The following CNTN4 variants were observed in gnomAD, a reference collection of about 807,000 sequenced individuals.
The protein encoded by CNTN4 is contactin-4.
Under a neutral mutation model 122.5 loss-of-function variants are expected in CNTN4, and 77 were observed. That is an observed-to-expected ratio of 0.63 (90% CI 0.52 to 0.76). The LOEUF is 0.76. Ranked by LOEUF, CNTN4 falls within the 30% of genes least tolerant of loss-of-function variation. The probability of loss-of-function intolerance (pLI) is 0.00; values close to 1 mark genes in which losing one functional copy is unlikely to be tolerated. For missense variants in CNTN4, 1,256 were observed against 1,259.1 expected, an observed-to-expected ratio of 1.00 and a Z score of 0.04; for synonymous variants, 512 against 447.0, an observed-to-expected ratio of 1.15 and a Z score of -1.83.
At chr3:2,377,376 G>A (rs1478293603) in intron 3 of CNTN4, among the ~76,000 whole-genome samples, 1 of 152,144 alleles carries the variant, frequency 6.6e-6, no homozygotes, top group East Asian at 1.9e-4. Flanking sequence ...GACTGGCCAT[G>A]CCTGCAATCC....
At chr3:2,928,985 CT>C (rs1218373075) in intron 13 of CNTN4, among the ~76,000 whole-genome samples, 3 of 152,274 alleles carry the variant, frequency 2.0e-5, no homozygotes, top group Non-Finnish European at 4.4e-5. Context: ...GCTTCCCATT[CT>C]TTTGGAAATA....
intron 2 of CNTN4, among the ~76,000 whole-genome samples, chr3:2,113,643 A>G (rs988628873): frequency 1.3e-5 from 2 of 152,128 alleles, no homozygotes; most frequent in Non-Finnish European, 2.9e-5. Flanking sequence ...GATGAAGGAT[A>G]GGTACAGTTG....
intron 6 of CNTN4, among the ~76,000 whole-genome samples, chr3:2,797,936 T>TTTTTG (rs1464455681): frequency 6.7e-6 from 1 of 150,216 alleles, no homozygotes; most frequent in African/African-American, 2.5e-5. Context: ...TTTTTTTTTT[T>TTTTTG]GGTATAAATT....
At chr3:2,600,963 A>G (rs1389819639) in intron 4 of CNTN4, among the ~76,000 whole-genome samples, 1 of 152,010 alleles carries the variant, frequency 6.6e-6, no homozygotes, top group East Asian at 1.9e-4. Context: ...GATGATGAGC[A>G]TTTTTTCATG....
chr3:2,259,539 C>G (rs1213871724), intron 2 of CNTN4, among the ~76,000 whole-genome samples: 1 of 152,152 alleles, frequency 6.6e-6, no homozygotes, highest in Non-Finnish European at 1.5e-5. Flanking sequence ...CACAGTTCCA[C>G]GTGTCTGGAG....
chr3:2,916,207 AT>A (rs2094352193), intron 12 of CNTN4, among the ~76,000 whole-genome samples: 1 of 151,726 alleles, frequency 6.6e-6, no homozygotes, highest in Non-Finnish European at 1.5e-5. Context: ...CTTTTTTTCA[AT>A]TTTTTTAGTA....
chr3:2,327,766 G>T (rs946146527), intron 2 of CNTN4, among the ~76,000 whole-genome samples: 1 of 152,132 alleles, frequency 6.6e-6, no homozygotes, highest in African/African-American at 2.4e-5. Flanking sequence ...GACTATATTT[G>T]GAACCTCCCC....
chr3:2,695,689 C>G (rs1559397000), intron 4 of CNTN4, among the ~76,000 whole-genome samples: 1 of 152,154 alleles, frequency 6.6e-6, no homozygotes, highest in African/African-American at 2.4e-5. Flanking sequence ...CAGGAGAAAA[C>G]AATCACTTTG....
chr3:2,741,639 A>G (rs546193496), intron 5 of CNTN4, among the ~76,000 whole-genome samples: 1 of 152,234 alleles, frequency 6.6e-6, no homozygotes, highest in South Asian at 2.1e-4. Context: ...TGTGTAGTAA[A>G]GAATGCAGGA....
At chr3:2,864,608 G>A (rs917519560) in intron 7 of CNTN4, among the ~76,000 whole-genome samples, 4 of 151,596 alleles carry the variant, frequency 2.6e-5, no homozygotes, top group East Asian at 1.9e-4. Flanking sequence ...GCGTCGTGGT[G>A]GGCACCTGTA....
intron 13 of CNTN4, among the ~76,000 whole-genome samples, chr3:2,947,541 TA>T (rs977769288): frequency 1.3e-5 from 2 of 152,250 alleles, no homozygotes; most frequent in African/African-American, 4.8e-5. Context: ...CTTTTTATTT[TA>T]CCATGAATGG....
At chr3:2,669,178 C>T (rs2150358648) in intron 4 of CNTN4, among the ~76,000 whole-genome samples, 1 of 152,304 alleles carries the variant, frequency 6.6e-6, no homozygotes, top group South Asian at 2.1e-4. Flanking sequence ...ACCAGCTCCT[C>T]CTTGTACCTC....
At chr3:2,248,842 T>C (rs1017855887) in intron 2 of CNTN4, among the ~76,000 whole-genome samples, 5 of 151,954 alleles carry the variant, frequency 3.3e-5, no homozygotes, top group African/African-American at 1.2e-4. Context: ...GTGGGCTTGG[T>C]GTAATGAAAT....
intron 2 of CNTN4, among the ~76,000 whole-genome samples, chr3:2,114,467 A>T (rs2033199052): frequency 6.6e-6 from 1 of 152,078 alleles, no homozygotes; most frequent in African/African-American, 2.4e-5. Context: ...CTCAAAAAAT[A>T]AATAAATAAA....
intron 12 of CNTN4, among the ~76,000 whole-genome samples, chr3:2,915,930 A>T (rs67020191): frequency 0.42 from 63,311 of 152,106 alleles, 13,509 homozygotes; most frequent in East Asian, 0.64. Context: ...GCCAGTCACA[A>T]AAAGCAAATA....
chr3:2,260,815 C>T (rs1047929937), intron 2 of CNTN4, among the ~76,000 whole-genome samples: 3 of 150,262 alleles, frequency 2.0e-5, no homozygotes, highest in Admixed American at 1.3e-4. Context: ...GTAACCTCTG[C>T]CTCCCAGTTC....
intron 3 of CNTN4, among the ~76,000 whole-genome samples, chr3:2,446,213 T>G (rs995731473): frequency 3.3e-5 from 5 of 152,152 alleles, no homozygotes; most frequent in African/African-American, 7.2e-5. Context: ...GAGACATTTT[T>G]TCAGTGTAGG....
chr3:2,902,894 C>G lies in CNTN4; in HGVS notation c.1096C>G (p.Gln366Glu), dbSNP rs763753167. ...TTCACAGGATAGAATTCAAATTGAG[C>G]AAGGAACACTCAACATAACAATAGT... ...LLTRDRIQIE[Q>E]GTLNITIVNL... Residue 366 changes from glutamine (Q) to glutamate (E), a missense_variant, in exon 12 of 25, where the codon CAA becomes GAA. Coordinates refer to ENST00000418658, the MANE Select transcript of CNTN4 (RefSeq NM_175607.3). The G allele has an allele frequency of 6.2e-7, 1 of 1,613,392 alleles. No individual in the cohort carries two copies. The highest frequency in any genetic ancestry group is 8.5e-7 in the Non-Finnish European group (1 of 1,179,652).
At chr3:2,597,983 A>G (rs2080851199) in intron 4 of CNTN4, among the ~76,000 whole-genome samples, 1 of 152,184 alleles carries the variant, frequency 6.6e-6, no homozygotes, top group Admixed American at 6.5e-5. Flanking sequence ...TCAGTTTCTA[A>G]CCAGGCAGCT....
Sources: allele counts gnomAD v4.1 joint callset (sites outside exome capture counted in the v4.1 genomes callset), GRCh38; gene constraint gnomAD v4.1.1; transcripts MANE v1.5; gene names NCBI Gene and HGNC (gene_info 2026-07-23, HGNC 2026-07-21).